The following CENPE variants were observed in gnomAD, a reference collection of about 807,000 sequenced individuals.
The protein encoded by CENPE is centromere-associated protein E.
A neutral mutation model predicts 336.1 loss-of-function variants in CENPE; 145 were observed. The ratio of observed to expected loss-of-function variants is 0.43; its 90% CI spans 0.38 to 0.50. The LOEUF is 0.50. CENPE is among the 20% of genes least tolerant of loss of function. The pLI is 0.00. For missense variants in CENPE, 2,719 were observed against 3,023.3 expected (o/e 0.90, Z 2.36); for synonymous variants, 1,013 against 984.8 (o/e 1.03, Z -0.54).
intron 2 of CENPE, 45 bp from the exon 3 acceptor site, chr4:103,196,297 T>C: frequency 1.5e-6 from 2 of 1,378,154 alleles, no homozygotes; most frequent in East Asian, 2.3e-5. Context: ...TTAAATCAAA[T>C]GAGTCCACTG....
At position 103,140,293 on chromosome 4, in the gene CENPE, T is replaced by G; in HGVS notation, c.5876A>C (p.Lys1959Thr). The G allele has an allele frequency of 6.2e-7, 1 of 1,604,110 alleles. No homozygotes were observed. The highest frequency in any genetic ancestry group is 8.5e-7 in the Non-Finnish European group (1 of 1,174,968). ...TTCATCTTTTGATTTATCTAAATCC[T>G]TTTGAATGTCTGAAATTTGAATTGT... ...EKTIQISDIQKDLDKSKDELQ... is the reference protein window; with the variant it reads ...EKTIQISDIQTDLDKSKDELQ... Residue 1959 changes from lysine to threonine, a missense_variant, in exon 37 of 49, where the codon AAG becomes ACG. Physicochemically the swap from Lys to Thr is moderately conservative, Grantham distance 78 (BLOSUM62 -1). This residue lies in a region of CENPE where 2,437 missense variants were observed against 2,513.3 expected (regional missense o/e 0.97). Coordinates refer to ENST00000265148, the MANE Select transcript of CENPE (RefSeq NM_001813.3).
intron 16 of CENPE, among the ~76,000 whole-genome samples, chr4:103,167,589 C>A (rs564775424): frequency 7.9e-4 from 121 of 152,218 alleles, no homozygotes; most frequent in African/African-American, 2.7e-3. Context: ...TCACATCCCC[C>A]CAAAACAACA....
chr4:103,196,729 A>T, intron 2 of CENPE, 30 bp downstream of exon 2: 1 of 1,007,226 alleles, frequency 9.9e-7, no homozygotes, highest in Non-Finnish European at 1.5e-6. Flanking sequence ...AAGGATAACA[A>T]GGTAACTTTT....
chr4:103,117,145 T>C (rs1750199575), intron 44 of CENPE, among the ~76,000 whole-genome samples: 2 of 152,168 alleles, frequency 1.3e-5, no homozygotes, highest in Admixed American at 1.3e-4. Context: ...AACAGTTCCA[T>C]CCAGTGATTC....
intron 44 of CENPE, among the ~76,000 whole-genome samples, chr4:103,117,473 T>C (rs1309322583): frequency 6.6e-6 from 1 of 152,116 alleles, no homozygotes; most frequent in Non-Finnish European, 1.5e-5. Context: ...CTCTTCTCCA[T>C]TATCCCTGGC....
chr4:103,129,572 C>A (rs564938902), intron 42 of CENPE, among the ~76,000 whole-genome samples: 1 of 152,024 alleles, frequency 6.6e-6, no homozygotes, highest in East Asian at 1.9e-4. Context: ...CCCGTCTCTA[C>A]TAAAAATACA....
rs537016202 is a variant in CENPE at position 103,145,535 on chromosome 4, T to A, written c.4560A>T (p.Lys1520Asn). ...IQKQLEAIND[K>N]LQNKIQEIYE... ...ATCCCCAATTTACCTTGTTCTGTAA[T>A]TTATCATTGATTGCTTCTAACTGCT... Residue 1520 changes from lysine (K) to asparagine (N), a missense_variant, in exon 31 of 49, where the codon AAA becomes AAT. Physicochemically the swap from Lys to Asn is moderately conservative, Grantham distance 94 (BLOSUM62 0). Coordinates refer to ENST00000265148, the MANE Select transcript of CENPE (RefSeq NM_001813.3). 6.2e-7 allele frequency: 1 copy of A among 1,603,166 alleles called. No homozygotes were observed. Among genetic ancestry groups the A allele is most frequent in the Non-Finnish European group, 8.5e-7 (1 of 1,176,542 alleles).
At chr4:103,168,009 A>C (rs371409056) in intron 16 of CENPE, among the ~76,000 whole-genome samples, 2 of 152,184 alleles carry the variant, frequency 1.3e-5, no homozygotes, top group Non-Finnish European at 2.9e-5. Flanking sequence ...AGAAGGGAAC[A>C]TGCCCATCTG....
At chr4:103,142,369 C>A (rs1752639661) in intron 34 of CENPE, among the ~76,000 whole-genome samples, 1 of 152,180 alleles carries the variant, frequency 6.6e-6, no homozygotes, top group African/African-American at 2.4e-5. Context: ...GCTTAAAAGG[C>A]TGTATCATTT....
intron 38 of CENPE, 64 bp downstream of exon 38, chr4:103,139,725 A>T: frequency 7.2e-7 from 1 of 1,382,086 alleles, no homozygotes; most frequent in Non-Finnish European, 9.8e-7. Flanking sequence ...AAACATTGTA[A>T]TTCTTTTCAA....
At chr4:103,121,025 C>T (rs893888290) in intron 43 of CENPE, among the ~76,000 whole-genome samples, 2 of 152,078 alleles carry the variant, frequency 1.3e-5, no homozygotes, top group African/African-American at 2.4e-5. Context: ...CATGAACCAC[C>T]ATGCCCACCC....
intron 16 of CENPE, among the ~76,000 whole-genome samples, chr4:103,165,754 C>A (rs547483381): frequency 1.3e-5 from 2 of 151,772 alleles, no homozygotes; most frequent in African/African-American, 4.8e-5. Context: ...GAGGCCGAGG[C>A]GAGCAGATCA....
intron 16 of CENPE, among the ~76,000 whole-genome samples, chr4:103,172,373 A>G (rs1755488467): frequency 6.6e-6 from 1 of 152,038 alleles, no homozygotes; most frequent in African/African-American, 2.4e-5. Context: ...ACTTCAACAG[A>G]TGCAGAAAAA....
Position 103,176,895 on chromosome 4 carries a change from T to C in CENPE, c.1390+4A>G. 1 of 1,570,590 alleles carries C rather than the reference T, an allele frequency of 6.4e-7. No individual in the cohort carries two copies. Among genetic ancestry groups the C allele is most frequent in the South Asian group, 1.2e-5 (1 of 85,184 alleles). ...ACATAGTTCCACTTGAAAAAAGCAC[T>C]CACATTCATCAATTTCTCGTAATAA... On this transcript the variant is annotated splice_donor_region_variant and intron_variant, in intron 14 of 48. Transcript: ENST00000265148.
rs749615455 is a variant in CENPE, at chr4:103,159,113, T to C, written c.2498A>G (p.Tyr833Cys). The change falls in exon 22 of 49, where the codon TAT becomes TGT. Residue 833 changes from tyrosine to cysteine, a missense_variant. Physicochemically the swap from Tyr to Cys is radical, Grantham distance 194. Around this residue, in one of 5 missense-constraint regions of CENPE, gnomAD observed 2,437 missense variants for 2,513.3 expected, o/e 0.97. Coordinates refer to ENST00000265148, the MANE Select transcript of CENPE (RefSeq NM_001813.3). ...KTLHMDFEQK[Y>C]KMVLEENERM... ...CTCATTCTCCTCAAGGACCATCTTA[T>C]ACTTTTGCTCAAAGTCCATATGAAG... is the stretch of plus-strand genomic sequence containing the variant. 4 of 1,604,302 alleles carry C rather than the reference T, an allele frequency of 2.5e-6. No homozygotes were observed. The highest frequency in any genetic ancestry group is 1.1e-5 in the South Asian group (1 of 89,130).
intron 40 of CENPE, among the ~76,000 whole-genome samples, chr4:103,135,573 T>TA (rs1358035845): frequency 1.3e-5 from 2 of 148,956 alleles, no homozygotes; most frequent in East Asian, 3.9e-4. Context: ...AAACCCTCCC[T>TA]AGTAGTACAG....
At chr4:103,135,952 T>C (rs1460958383) in intron 40 of CENPE, among the ~76,000 whole-genome samples, 189 bp downstream of exon 40, 1 of 152,220 alleles carries the variant, frequency 6.6e-6, no homozygotes, top group African/African-American at 2.4e-5. Context: ...CCTGACATAA[T>C]GTCTAGGCCC....
intron 16 of CENPE, among the ~76,000 whole-genome samples, chr4:103,170,961 G>A (rs543593381): frequency 1.8e-4 from 27 of 152,138 alleles, no homozygotes; most frequent in Non-Finnish European, 1.8e-4. Flanking sequence ...AATGATAAAG[G>A]GGTCAACTCA....
At position 103,181,388 on chromosome 4, in the gene CENPE, G is replaced by A; in HGVS notation, c.1032C>T (p.Leu344=). Residue 344 remains leucine, a synonymous_variant, in exon 12 of 49, where the codon CTC becomes CTT. Coordinates refer to ENST00000265148, the MANE Select transcript of CENPE (RefSeq NM_001813.3). ...YVNEVSTDEA[L]LKRYRKEIMD... is the part of the protein sequence containing the mutation. ...TTATTTCTTTTCTATACCTTTTCAG[G>A]AGAGCTTCATCAGTTGATACCTCAT... 1 of 1,562,876 alleles carries A rather than the reference G, an allele frequency of 6.4e-7. No homozygotes were observed. The highest frequency in any genetic ancestry group is 8.7e-7 in the Non-Finnish European group (1 of 1,148,240).
Sources: allele counts gnomAD v4.1 joint callset (sites outside exome capture counted in the v4.1 genomes callset), GRCh38; gene constraint gnomAD v4.1.1; regional missense constraint gnomAD v4.1.1; transcripts MANE v1.5; gene names NCBI Gene and HGNC (gene_info 2026-07-23, HGNC 2026-07-21).